PITPNC1: variants seen among roughly 807,000 people sequenced by gnomAD.
PITPNC1 encodes cytoplasmic phosphatidylinositol transfer protein 1.
In PITPNC1, 18 loss-of-function variants were observed where a neutral mutation model predicts 44.7. The ratio of observed to expected loss-of-function variants is 0.40; its 90% CI spans 0.28 to 0.60. The LOEUF (loss-of-function observed/expected upper bound fraction) is 0.60, where lower values mean the gene tolerates loss of function less well. Ranked by LOEUF, PITPNC1 falls within the 20% of genes least tolerant of loss-of-function variation. The pLI is 0.39. For missense variants in PITPNC1, 290 were observed against 418.4 expected (o/e 0.69, Z 2.68); for synonymous variants, 141 against 149.6 (o/e 0.94, Z 0.42).
At chr17:67,448,842 C>T (rs372421927) in intron 1 of PITPNC1, among the ~76,000 whole-genome samples, 164 of 152,282 alleles carry the variant, frequency 1.1e-3, no homozygotes, top group African/African-American at 3.5e-3. Flanking sequence ...TGCAGTGGCA[C>T]GATCTCCTCC....
intron 1 of PITPNC1, chr17:67,379,423 C>A (rs996719649): frequency 1.0e-6 from 1 of 962,996 alleles, no homozygotes; most frequent in South Asian, 4.8e-5. Context: ...AAGACAAGAT[C>A]AAAGTAGCTG....
At chr17:67,426,150 A>G (rs2038761772) in intron 1 of PITPNC1, among the ~76,000 whole-genome samples, 1 of 152,158 alleles carries the variant, frequency 6.6e-6, no homozygotes, top group East Asian at 1.9e-4. Context: ...ATGCTTTTAC[A>G]CTGTTGGTGG....
At chr17:67,631,597 C>A (rs1207927033) in intron 5 of PITPNC1, among the ~76,000 whole-genome samples, 6 of 92,310 alleles carry the variant, frequency 6.5e-5, no homozygotes, top group Non-Finnish European at 1.3e-4. Context: ...CCACTGCAGT[C>A]CAGCTTGGGC....
chr17:67,527,711 A>G (rs1166821042), intron 1 of PITPNC1, among the ~76,000 whole-genome samples: 2 of 152,000 alleles, frequency 1.3e-5, no homozygotes, highest in Non-Finnish European at 2.9e-5. Context: ...AAAAACAAAA[A>G]AAAGGAATAT....
intron 1 of PITPNC1, among the ~76,000 whole-genome samples, chr17:67,506,151 T>G (rs1483198526): frequency 2.0e-5 from 3 of 152,172 alleles, no homozygotes; most frequent in African/African-American, 7.2e-5. Flanking sequence ...AAAGTCACTT[T>G]ACTATGGGCA....
In PITPNC1 at chr17:67,430,924, G is replaced by C. The variant is rs1393524037; in HGVS notation, c.48+52722G>C. 4.6e-5 allele frequency among the ~76,000 whole-genome samples: 7 copies of C among 152,086 alleles called. No homozygotes were observed. In the East Asian group the frequency reaches 1.3e-3, roughly 29 times the overall value. ...TGATCACACCACTGCACTCCAGCCTGTGTGACAAAGCAAGACCCCATCTCT... is the reference window on the plus strand; with the variant it reads ...TGATCACACCACTGCACTCCAGCCTCTGTGACAAAGCAAGACCCCATCTCT... On this transcript the variant is annotated intron_variant, in intron 1 of 8. Transcript: ENST00000581322.
At chr17:67,435,644 G>A (rs1439377395) in intron 1 of PITPNC1, among the ~76,000 whole-genome samples, 6 of 152,208 alleles carry the variant, frequency 3.9e-5, no homozygotes, top group Admixed American at 1.3e-4. Context: ...ACGAGGTCAG[G>A]AGTTCGAGAT....
At chr17:67,459,113 C>CTTTT (rs886333854) in intron 1 of PITPNC1, among the ~76,000 whole-genome samples, 68 of 95,710 alleles carry the variant, frequency 7.1e-4, no homozygotes, top group African/African-American at 1.9e-3. Flanking sequence ...TTTTCTTTTT[C>CTTTT]TTTTTTTTTT....
chr17:67,568,723 A>G (rs2144208281), intron 4 of PITPNC1, among the ~76,000 whole-genome samples: 1 of 152,226 alleles, frequency 6.6e-6, no homozygotes, highest in South Asian at 2.1e-4. Context: ...CTCCCAGAAT[A>G]TACCAGCTTA....
At chr17:67,664,331 T>C (rs1322438352) in intron 6 of PITPNC1, among the ~76,000 whole-genome samples, 1 of 152,212 alleles carries the variant, frequency 6.6e-6, no homozygotes, top group Non-Finnish European at 1.5e-5. Flanking sequence ...TATCCATTCA[T>C]CAGTAATGCA....
intron 1 of PITPNC1, among the ~76,000 whole-genome samples, chr17:67,509,090 C>T (rs55955738): frequency 0.028 from 4,230 of 150,454 alleles, 82 homozygotes; most frequent in Non-Finnish European, 0.043. Context: ...AAAAATTAAC[C>T]GGGTGTGGTG....
At chr17:67,518,886 T>G (rs996179642) in intron 1 of PITPNC1, among the ~76,000 whole-genome samples, 1 of 152,162 alleles carries the variant, frequency 6.6e-6, no homozygotes, top group African/African-American at 2.4e-5. Flanking sequence ...GAGGCTGCAG[T>G]GAGCTATTTC....
intron 1 of PITPNC1, among the ~76,000 whole-genome samples, chr17:67,468,843 C>G (rs922305323): frequency 1.9e-4 from 29 of 152,200 alleles, no homozygotes; most frequent in African/African-American, 6.5e-4. Context: ...ATTCTCCTGC[C>G]TCAGCCTCCC....
chr17:67,384,428 CTTT>C (rs60147017), intron 1 of PITPNC1, among the ~76,000 whole-genome samples: 5 of 142,750 alleles, frequency 3.5e-5, no homozygotes, highest in African/African-American at 5.1e-5. Flanking sequence ...TCCTTGTTCT[CTTT>C]TTTTTTTTTT....
At chr17:67,519,120 T>C (rs2040293579) in intron 1 of PITPNC1, among the ~76,000 whole-genome samples, 1 of 151,022 alleles carries the variant, frequency 6.6e-6, no homozygotes, top group South Asian at 2.1e-4. Context: ...CTCAAAGTAA[T>C]TAAAAGCAGA....
At chr17:67,381,014 C>T (rs2037950323) in intron 1 of PITPNC1, among the ~76,000 whole-genome samples, 1 of 152,250 alleles carries the variant, frequency 6.6e-6, no homozygotes, top group South Asian at 2.1e-4. Flanking sequence ...CTTGAGTGAT[C>T]CTCCTGCCTC....
intron 1 of PITPNC1, among the ~76,000 whole-genome samples, chr17:67,491,981 G>A (rs796389745): frequency 6.6e-6 from 1 of 151,186 alleles, no homozygotes; most frequent in Non-Finnish European, 1.5e-5. Flanking sequence ...CAGCAATCAC[G>A]AGCGGTCTTC....
rs879475238 is a variant in PITPNC1, at chr17:67,583,887, GTGTGTGTGTT to G, written c.366+5640_366+5649del. 1.1e-3 allele frequency among the ~76,000 whole-genome samples: 141 copies of G among 133,766 alleles called. 1 individual carries two copies. Among genetic ancestry groups the G allele is most frequent in the African/African-American group, 8.0e-4 (29 of 36,144 alleles). 87.8% of individuals were successfully genotyped at this position (133,766 alleles called of 152,430 possible). A position where few individuals can be genotyped will look rare whatever the true frequency, so the allele number is the denominator to read the frequency against. ...ATTTTGTGTGTGTGTGTGTGTGTGT[GTGTGTGTGTT>G]TGTGTGTGTGTGTGTTTGTGTTTAG... On this transcript the variant is annotated intron_variant, in intron 5 of 8. Transcript: ENST00000581322.
intron 1 of PITPNC1, among the ~76,000 whole-genome samples, chr17:67,474,163 G>A (rs2039592453): frequency 6.6e-6 from 1 of 152,140 alleles, no homozygotes; most frequent in Non-Finnish European, 1.5e-5. Flanking sequence ...GAAGGTCAGT[G>A]AGAAGGAGAT....
Sources: allele counts gnomAD v4.1 joint callset (sites outside exome capture counted in the v4.1 genomes callset), GRCh38; gene constraint gnomAD v4.1.1; transcripts MANE v1.5; gene names NCBI Gene and HGNC (gene_info 2026-07-23, HGNC 2026-07-21).